Variants in PDE4B observed in about 807,000 individuals in gnomAD.
PDE4B encodes phosphodiesterase 4B.
Under a neutral mutation model 82.2 loss-of-function variants are expected in PDE4B, and 20 were observed. The observed-to-expected ratio is 0.24, with a 90% CI of 0.17 to 0.35. The LOEUF is 0.35. PDE4B is among the 10% of genes least tolerant of loss of function. PDE4B has a pLI of 1.00. For missense variants in PDE4B, 655 were observed against 907.2 expected (o/e 0.72, Z 3.57); for synonymous variants, 320 against 318.9 (o/e 1.00, Z -0.04).
intron 3 of PDE4B, among the ~76,000 whole-genome samples, chr1:66,125,441 C>T (rs1358637067): frequency 1.3e-5 from 2 of 152,164 alleles, no homozygotes; most frequent in South Asian, 2.1e-4. Flanking sequence ...GGATTACAGG[C>T]GTGAGCCACC....
chr1:65,810,723 A>G (rs554533477), intron 1 of PDE4B, among the ~76,000 whole-genome samples: 6 of 152,126 alleles, frequency 3.9e-5, no homozygotes, highest in Non-Finnish European at 8.8e-5. Context: ...TACCACATTG[A>G]CTTGTAAGAC....
chr1:66,300,785 T>C (rs1328397563), intron 7 of PDE4B, among the ~76,000 whole-genome samples: 2 of 152,142 alleles, frequency 1.3e-5, no homozygotes, highest in Non-Finnish European at 2.9e-5. Flanking sequence ...GGGCAGTCTC[T>C]CCATGCCGGC....
chr1:66,372,761 A>T lies in PDE4B; in HGVS notation c.*83A>T. On this transcript the variant is annotated 3_prime_UTR_variant, in exon 17 of 17. Coordinates refer to ENST00000341517, the MANE Select transcript of PDE4B (RefSeq NM_002600.4). ...GTAGGGCCAGCCCACCATGGGGGCCAAGACCTGCACAGGACAAGGGCCACC... is the reference window on the plus strand; with the variant it reads ...GTAGGGCCAGCCCACCATGGGGGCCTAGACCTGCACAGGACAAGGGCCACC... The T allele has an allele frequency of 6.9e-7, 1 of 1,441,434 alleles. No homozygotes were observed. The highest frequency in any genetic ancestry group is 9.5e-7 in the Non-Finnish European group (1 of 1,056,788). The allele number at this position is 1,441,434 out of a possible 1,614,324, so 89.3% of individuals were successfully genotyped here. A position where few individuals can be genotyped will look rare whatever the true frequency, so the allele number is the denominator to read the frequency against.
At chr1:65,889,900 C>T (rs1646834496) in intron 1 of PDE4B, among the ~76,000 whole-genome samples, 1 of 152,080 alleles carries the variant, frequency 6.6e-6, no homozygotes, top group Non-Finnish European at 1.5e-5. Context: ...CACACTTCTT[C>T]CTATTGTGAG....
In PDE4B at chr1:65,864,975, G is replaced by C. The variant is rs920429987; in HGVS notation, c.-70-48270G>C. Reference sequence around the variant, plus strand: ...GAACGTTTAAGTCCACTGAAGCTGCGCCCACAACCGCCCCTTCCCCCAGGA... The same window carrying C: ...GAACGTTTAAGTCCACTGAAGCTGCCCCCACAACCGCCCCTTCCCCCAGGA... On this transcript the variant is annotated intron_variant, in intron 1 of 16. Transcript: ENST00000341517. Among the ~76,000 whole-genome samples the C allele has an allele frequency of 5.9e-5, 9 of 152,244 alleles. 1 individual carries two copies. The East Asian group carries it at 1.5e-3, about 26-fold the overall frequency.
chr1:65,838,074 C>T (rs1646162196), intron 1 of PDE4B, among the ~76,000 whole-genome samples: 1 of 152,130 alleles, frequency 6.6e-6, no homozygotes, highest in African/African-American at 2.4e-5. Flanking sequence ...ATTTTAGTGT[C>T]ATAGCTAGCT....
intron 7 of PDE4B, among the ~76,000 whole-genome samples, chr1:66,319,652 A>C (rs1659262341): frequency 6.6e-6 from 1 of 152,182 alleles, no homozygotes; most frequent in Non-Finnish European, 1.5e-5. Context: ...ATTTGAGGTG[A>C]AGCCTGTAGT....
intron 1 of PDE4B, among the ~76,000 whole-genome samples, chr1:65,887,789 C>T (rs1459673629): frequency 6.6e-6 from 1 of 151,806 alleles, no homozygotes; most frequent in Non-Finnish European, 1.5e-5. Flanking sequence ...TATGTGCTTG[C>T]CCATTTTTCA....
At chr1:66,061,219 G>T (rs1655568678) in intron 3 of PDE4B, among the ~76,000 whole-genome samples, 2 of 149,394 alleles carry the variant, frequency 1.3e-5, no homozygotes, top group African/African-American at 4.9e-5. Context: ...GTATAAGAAG[G>T]ATTAAATAAT....
At chr1:65,819,540 C>T (rs1305805817) in intron 1 of PDE4B, among the ~76,000 whole-genome samples, 29 of 144,804 alleles carry the variant, frequency 2.0e-4, no homozygotes, top group African/African-American at 7.3e-4. Flanking sequence ...CTCGCTCTGT[C>T]GCCCAGGCTG....
At chr1:65,849,677 A>T (rs1204690970) in intron 1 of PDE4B, among the ~76,000 whole-genome samples, 1 of 152,056 alleles carries the variant, frequency 6.6e-6, no homozygotes, top group Non-Finnish European at 1.5e-5. Flanking sequence ...AGAACATGTC[A>T]TATACTTTTA....
intron 3 of PDE4B, among the ~76,000 whole-genome samples, chr1:66,012,961 T>C (rs1937451): frequency 0.77 from 116,737 of 151,900 alleles, 45,508 homozygotes; most frequent in East Asian, 0.85. Flanking sequence ...AGTATCCCCA[T>C]CCAAGGATGT....
Position 66,031,145 on chromosome 1 carries a change from G to A in PDE4B, c.281+112310G>A, listed in dbSNP as rs114390768. Reference sequence around the variant, plus strand: ...GAAATTAATAAAAATAAAATAAATTGTACAAAAAAACCCTTGGACTTCTAA... The same window carrying A: ...GAAATTAATAAAAATAAAATAAATTATACAAAAAAACCCTTGGACTTCTAA... On this transcript the variant is annotated intron_variant, in intron 3 of 16. Transcript: ENST00000341517. Among the ~76,000 whole-genome samples the A allele has an allele frequency of 2.8e-3, 430 of 151,932 alleles. 1 individual carries two copies. The highest frequency in any genetic ancestry group is 9.7e-3 in the African/African-American group (402 of 41,410).
At chr1:66,052,851 A>T (rs1655113036) in intron 3 of PDE4B, among the ~76,000 whole-genome samples, 1 of 152,210 alleles carries the variant, frequency 6.6e-6, no homozygotes, top group Non-Finnish European at 1.5e-5. Flanking sequence ...TTCCTCTGAG[A>T]ATCCAGAAGG....
At chr1:66,285,319 G>A (rs975546039) in intron 7 of PDE4B, among the ~76,000 whole-genome samples, 1 of 152,078 alleles carries the variant, frequency 6.6e-6, no homozygotes, top group African/African-American at 2.4e-5. Flanking sequence ...AATGTTATTA[G>A]CAGCATTATT....
intron 3 of PDE4B, among the ~76,000 whole-genome samples, chr1:66,143,860 G>A (rs954726367): frequency 2.6e-5 from 4 of 152,152 alleles, no homozygotes; most frequent in Admixed American, 6.6e-5. Context: ...TTGTAACCAC[G>A]ATGGCAGATG....
chr1:66,032,126 C>T (rs1424315577), intron 3 of PDE4B, among the ~76,000 whole-genome samples: 1 of 152,216 alleles, frequency 6.6e-6, no homozygotes, highest in Non-Finnish European at 1.5e-5. Flanking sequence ...ATATCAGTTT[C>T]CTCCTCAGTA....
At chr1:66,044,531 T>C (rs1388857867) in intron 3 of PDE4B, among the ~76,000 whole-genome samples, 1 of 151,746 alleles carries the variant, frequency 6.6e-6, no homozygotes, top group Non-Finnish European at 1.5e-5. Flanking sequence ...ACAAGCGATA[T>C]ATATTTTTTA....
intron 3 of PDE4B, among the ~76,000 whole-genome samples, chr1:66,163,622 C>A (rs776205676): frequency 1.3e-5 from 2 of 151,998 alleles, no homozygotes; most frequent in Non-Finnish European, 2.9e-5. Context: ...AAGATATTGT[C>A]TAGAGACACA....
Sources: allele counts gnomAD v4.1 joint callset (sites outside exome capture counted in the v4.1 genomes callset), GRCh38; gene constraint gnomAD v4.1.1; transcripts MANE v1.5; gene names NCBI Gene and HGNC (gene_info 2026-07-23, HGNC 2026-07-21).